The following ALG6 variants were observed in gnomAD, a reference collection of about 807,000 sequenced individuals.
ALG6 encodes the protein ALG6 alpha-1,3-glucosyltransferase, also known as dolichyl pyrophosphate Man9GlcNAc2 alpha-1,3-glucosyltransferase.
In ALG6, 46 loss-of-function variants were observed where a neutral mutation model predicts 66.6. That is an observed-to-expected ratio of 0.69 (90% CI 0.55 to 0.88). The LOEUF is 0.88. Among genes scored for constraint, ALG6 ranks in the 40% least tolerant of loss-of-function variants. ALG6 has a pLI of 0.00. For missense variants in ALG6, 505 were observed against 586.8 expected, an observed-to-expected ratio of 0.86 and a Z score of 1.44; for synonymous variants, 185 against 203.7, an observed-to-expected ratio of 0.91 and a Z score of 0.78.
intron 1 of ALG6, among the ~76,000 whole-genome samples, chr1:63,369,648 ACAAAT>A (rs1557576466): frequency 2.0e-5 from 3 of 151,870 alleles, no homozygotes; most frequent in Non-Finnish European, 2.9e-5. Context: ...AGAAAAAAAA[ACAAAT>A]AAAATAAAAT....
chr1:63,437,831 T>C lies in ALG6; in HGVS notation c.*811T>C, dbSNP rs549633009. 1.3e-5 allele frequency: 2 copies of C among 151,906 alleles called. No homozygotes were observed. The highest frequency in any genetic ancestry group is 2.1e-4 in the South Asian group (1 of 4,822). The allele number at this position is 151,906 out of a possible 1,614,324, so 9.4% of individuals were successfully genotyped here. A position where few individuals can be genotyped will look rare whatever the true frequency, so the allele number is the denominator to read the frequency against. ...ACATTATATTATATATATATTATTA[T>C]TGACATGGTTCAGGGTTACCACTGC... On this transcript the variant is annotated 3_prime_UTR_variant, in exon 15 of 15. Transcript: ENST00000263440.
intron 12 of ALG6, among the ~76,000 whole-genome samples, chr1:63,420,730 G>A (rs969292967): frequency 2.0e-5 from 3 of 151,478 alleles, no homozygotes; most frequent in Middle Eastern, 3.2e-3. Flanking sequence ...GCATGGTGGC[G>A]GGCACCTGTA....
intron 3 of ALG6, among the ~76,000 whole-genome samples, chr1:63,400,222 C>CATATATATATATATATATAT: frequency 8.2e-5 from 1 of 12,248 alleles, no homozygotes; most frequent in South Asian, 3.6e-3. Context: ...TATATATATA[C>CATATATATATATATATATAT]GTATATATAT....
chr1:63,368,746 C>T (rs1231092659), intron 1 of ALG6, among the ~76,000 whole-genome samples: 1 of 152,170 alleles, frequency 6.6e-6, no homozygotes, highest in Non-Finnish European at 1.5e-5. Context: ...GGTGATCCAC[C>T]TGCCTCGGCC....
intron 12 of ALG6, among the ~76,000 whole-genome samples, chr1:63,423,902 T>C (rs1005638500): frequency 1.3e-5 from 2 of 152,200 alleles, no homozygotes; most frequent in Admixed American, 6.5e-5. Flanking sequence ...GACTTTTCCA[T>C]AGTGGCTGCA....
In ALG6 at chr1:63,437,191, T is replaced by C; in HGVS notation, c.*171T>C. The C allele has an allele frequency of 1.6e-6, 1 of 625,616 alleles. No individual in the cohort carries two copies. Among genetic ancestry groups the C allele is most frequent in the South Asian group, 1.9e-5 (1 of 51,644 alleles). The allele number at this position is 625,616 out of a possible 1,614,324, so 38.8% of individuals were successfully genotyped here. The stretch of plus-strand genomic sequence containing the variant: ...GTTGTCTACACAAAATAAATGTATA[T>C]GGAGACCAAAGACCAATGGAGGCTT... On this transcript the variant is annotated 3_prime_UTR_variant, in exon 15 of 15. Coordinates refer to ENST00000263440, the MANE Select transcript of ALG6 (RefSeq NM_013339.4).
intron 8 of ALG6, 42 bp downstream of exon 8, chr1:63,411,373 GATA>G: frequency 6.3e-7 from 1 of 1,583,232 alleles, no homozygotes; most frequent in Non-Finnish European, 8.6e-7. Flanking sequence ...ATTTACTTCA[GATA>G]ATTTTTTTGG....
At chr1:63,394,627 C>G (rs1648765420) in intron 2 of ALG6, among the ~76,000 whole-genome samples, 1 of 152,140 alleles carries the variant, frequency 6.6e-6, no homozygotes, top group Non-Finnish European at 1.5e-5. Context: ...CTCGGCCTCC[C>G]AAAGTGCTGG....
chr1:63,383,994 C>T (rs915735599), intron 2 of ALG6, among the ~76,000 whole-genome samples: 2 of 152,178 alleles, frequency 1.3e-5, no homozygotes, highest in Non-Finnish European at 2.9e-5. Context: ...TTGCAAGTGA[C>T]AGGATCTCAT....
At chr1:63,390,999 C>A (rs759767727) in intron 2 of ALG6, among the ~76,000 whole-genome samples, 1 of 152,170 alleles carries the variant, frequency 6.6e-6, no homozygotes, top group Non-Finnish European at 1.5e-5. Context: ...AAGGTACTTT[C>A]TTGTGGGGAT....
At chr1:63,411,426 T>C in intron 8 of ALG6, 95 bp downstream of exon 8, 1 of 1,182,430 alleles carries the variant, frequency 8.5e-7, no homozygotes, top group South Asian at 1.4e-5. Flanking sequence ...ACTTTGCCTT[T>C]TGGTGATTTC....
At chr1:63,400,014 G>A (rs1365577301) in intron 3 of ALG6, among the ~76,000 whole-genome samples, 1 of 150,202 alleles carries the variant, frequency 6.7e-6, no homozygotes, top group Non-Finnish European at 1.5e-5. Flanking sequence ...GACCAACATG[G>A]AGAAACCCCA....
chr1:63,383,822 C>T (rs1210981712), intron 2 of ALG6, among the ~76,000 whole-genome samples: 1 of 152,080 alleles, frequency 6.6e-6, no homozygotes, highest in Non-Finnish European at 1.5e-5. Context: ...CTACCCCACC[C>T]ACTCTTCTCA....
intron 3 of ALG6, among the ~76,000 whole-genome samples, chr1:63,398,587 C>T (rs1644424522): frequency 6.6e-6 from 1 of 152,178 alleles, no homozygotes; most frequent in South Asian, 2.1e-4. Flanking sequence ...ATTCTCCTGC[C>T]TTAGCTTCCC....
At chr1:63,414,755 G>A (rs1357080650) in intron 10 of ALG6, among the ~76,000 whole-genome samples, 1 of 152,124 alleles carries the variant, frequency 6.6e-6, no homozygotes, top group Non-Finnish European at 1.5e-5. Flanking sequence ...CCAAGAAGTA[G>A]GAGTAGGAGA....
In ALG6 at chr1:63,412,039, C is replaced by T. The variant is rs771364886; in HGVS notation, c.794C>T (p.Pro265Leu). 3.8e-5 allele frequency: 62 copies of T among 1,613,914 alleles called. No individual in the cohort carries two copies. The highest frequency in any genetic ancestry group is 4.8e-5 in the Non-Finnish European group (57 of 1,179,970). The change falls in exon 9 of 15, where the codon CCG becomes CTG. Residue 265 changes from proline (P) to leucine (L), a missense_variant. Transcript: ENST00000263440. ...CTGCAGGTTCTAAGAAGACTCTTCCCGGTTGATCGTGGATTATTTGAGGCA... is the reference window on the plus strand; with the variant it reads ...CTGCAGGTTCTAAGAAGACTCTTCCTGGTTGATCGTGGATTATTTGAGGCA... ...QTLQVLRRLF[P>L]VDRGLFEDKV... is the part of the protein sequence containing the mutation.
intron 2 of ALG6, among the ~76,000 whole-genome samples, chr1:63,394,752 G>A (rs1648769898): frequency 6.6e-6 from 1 of 152,190 alleles, no homozygotes; most frequent in African/African-American, 2.4e-5. Flanking sequence ...TAAGAGCATG[G>A]ATTATGGAGC....
chr1:63,433,350 A>G lies in ALG6; in HGVS notation c.1327-3473A>G, dbSNP rs972732698. Among the ~76,000 whole-genome samples the G allele has an allele frequency of 6.6e-6, 1 of 152,202 alleles. No individual in the cohort carries two copies. Among genetic ancestry groups the G allele is most frequent in the African/African-American group, 2.4e-5 (1 of 41,460 alleles). On this transcript the variant is annotated intron_variant, in intron 14 of 14. Transcript: ENST00000263440. This position sits in a 1 kb window ranked among gnomAD's most constrained non-coding sequence, Gnocchi z 4.2. The stretch of plus-strand genomic sequence containing the variant: ...AACTCTATTAGGGGAGTGTAGGGGA[A>G]GGTTTCAAAGGAGATATTTTATATT...
At chr1:63,386,270 G>GT (rs111553352) in intron 2 of ALG6, among the ~76,000 whole-genome samples, 6,058 of 151,060 alleles carry the variant, frequency 0.04, 395 homozygotes, top group African/African-American at 0.14. Context: ...TTGGCTTGTA[G>GT]TTTTTTTTTC....
Sources: gnomAD v4.1 joint callset for allele counts (sites outside exome capture counted in the v4.1 genomes callset) on GRCh38, gnomAD v4.1.1 for gene constraint, Gnocchi (gnomAD v3.1) non-coding constraint, MANE v1.5 for transcripts, NCBI Gene and HGNC (gene_info 2026-07-23, HGNC 2026-07-21) for gene names.